BBS4: variants seen among roughly 807,000 people sequenced by gnomAD.
BBS4 encodes the protein BBSome complex member BBS4.
In BBS4, 58 loss-of-function variants were observed where a neutral mutation model predicts 71.4. That is an observed-to-expected ratio of 0.81 (90% CI 0.66 to 1.01). BBS4 has a LOEUF of 1.01. Among genes scored for constraint, BBS4 ranks in the 50% least tolerant of loss-of-function variants. BBS4 has a pLI of 0.00. For synonymous variants in BBS4, 228 were observed against 216.8 expected (o/e 1.05, Z -0.46); for missense variants, 660 against 607.9 (o/e 1.09, Z -0.90).
chr15:72,710,773 A>G (rs1268949394), intron 3 of BBS4, among the ~76,000 whole-genome samples: 1 of 151,834 alleles, frequency 6.6e-6, no homozygotes, highest in Non-Finnish European at 1.5e-5. Context: ...TACTGGTATG[A>G]CAAAGATTCA....
chr15:72,688,411 C>CTTTTTTTTTT lies in BBS4; in HGVS notation c.24+2171_24+2180dup, dbSNP rs58644289. Among the ~76,000 whole-genome samples, 277 of 83,024 alleles carry CTTTTTTTTTT rather than the reference C, an allele frequency of 3.3e-3. 27 individuals are homozygous for CTTTTTTTTTT. The highest frequency in any genetic ancestry group is 0.025 in the Middle Eastern group (2 of 80). 54.5% of individuals were successfully genotyped at this position (83,024 alleles called of 152,430 possible). On this transcript the variant is annotated intron_variant, in intron 1 of 15. Transcript: ENST00000268057. ...GTCCTTTTAGGAAGTGGTATTTTAT[C>CTTTTTTTTTT]TTTTTTTTTTTTTTTTTTTTGAGAC...
In BBS4 at chr15:72,735,944, G is replaced by T; in HGVS notation, c.1226G>T (p.Ser409Ile). 1 of 1,614,028 alleles carries T rather than the reference G, an allele frequency of 6.2e-7. No homozygotes were observed. ...EKKVSLLKDN[S>I]SLEFDSEMVE... Reference sequence around the variant, plus strand: ...AAAGTCAGCCTACTCAAGGACAATAGCTCTCTGGAATTTGACTCTGAGGTA... The same window carrying T: ...AAAGTCAGCCTACTCAAGGACAATATCTCTCTGGAATTTGACTCTGAGGTA... The change falls in exon 14 of 16, where the codon AGC becomes ATC. Residue 409 changes from serine (S) to isoleucine (I), a missense_variant. Ser to Ile is a moderately radical substitution (Grantham distance 142, BLOSUM62 -2). Transcript: ENST00000268057.
intron 1 of BBS4, among the ~76,000 whole-genome samples, chr15:72,688,809 G>C (rs1490092667): frequency 6.6e-6 from 1 of 152,170 alleles, no homozygotes; most frequent in Non-Finnish European, 1.5e-5. Flanking sequence ...ATTCGTTGTA[G>C]TACTATCCGT....
intron 2 of BBS4, among the ~76,000 whole-genome samples, chr15:72,699,443 A>G (rs1291889530): frequency 6.6e-6 from 1 of 152,164 alleles, no homozygotes; most frequent in Non-Finnish European, 1.5e-5. Context: ...AAGGTAGTAT[A>G]TATCTAATTT....
Position 72,731,708 on chromosome 15 carries a change from C to T in BBS4, c.1018C>T (p.Leu340Phe), listed in dbSNP as rs2065828633. Residue 340 changes from leucine to phenylalanine, a missense_variant, in exon 12 of 16, where the codon CTC (leucine) becomes TTC (phenylalanine). Physicochemically the swap from Leu to Phe is conservative, Grantham distance 22. Coordinates refer to ENST00000268057, the MANE Select transcript of BBS4 (RefSeq NM_033028.5). ...CAACTTCCAGCCAAAGATGGGGGAG[C>T]TCTACATGCTCTTGGCAGGTAAGAA... ...AINFQPKMGELYMLLAVALTN... is the reference protein window; with the variant it reads ...AINFQPKMGEFYMLLAVALTN... The T allele has an allele frequency of 6.2e-7, 1 of 1,614,188 alleles. No homozygotes were observed.
chr15:72,736,794 T>C lies in BBS4; in HGVS notation c.1281T>C (p.Ala427=). 1.2e-6 allele frequency: 2 copies of C among 1,614,192 alleles called. No homozygotes were observed. Among genetic ancestry groups the C allele is most frequent in the Non-Finnish European group, 1.7e-6 (2 of 1,180,030 alleles). ...MVEMAQKLGA[A]LQVGEALVWT... ...AGATGGCTCAGAAGTTGGGAGCTGCTCTCCAGGTTGGGGAGGCACTGGTCT... is the reference window on the plus strand; with the variant it reads ...AGATGGCTCAGAAGTTGGGAGCTGCCCTCCAGGTTGGGGAGGCACTGGTCT... The change falls in exon 15 of 16, where the codon GCT becomes GCC. Residue 427 remains alanine (A), a synonymous_variant. Transcript: ENST00000268057.
chr15:72,725,660 T>TC (rs1198096708), intron 8 of BBS4, among the ~76,000 whole-genome samples: 1 of 150,724 alleles, frequency 6.6e-6, no homozygotes, highest in Non-Finnish European at 1.5e-5. Flanking sequence ...GTATCTTTTT[T>TC]CCCCCTTCCC....
intron 2 of BBS4, among the ~76,000 whole-genome samples, chr15:72,702,551 A>C (rs979752190): frequency 1.2e-4 from 18 of 147,786 alleles, no homozygotes; most frequent in Admixed American, 5.7e-4. Context: ...CTTTTATATG[A>C]CTTTTTTCTT....
intron 14 of BBS4, among the ~76,000 whole-genome samples, chr15:72,736,238 CTTT>C (rs35502034): frequency 6.1e-4 from 69 of 113,454 alleles, no homozygotes; most frequent in African/African-American, 8.8e-4. Flanking sequence ...TTCTATTTCA[CTTT>C]TTTTTTTTTT....
intron 12 of BBS4, among the ~76,000 whole-genome samples, chr15:72,734,731 G>C (rs1052824309): frequency 6.6e-6 from 1 of 152,144 alleles, no homozygotes; most frequent in Non-Finnish European, 1.5e-5. Context: ...CATGGTTATA[G>C]ATGTGGGGGG....
chr15:72,686,793 C>CT (rs752612638), intron 1 of BBS4: 4 of 353,634 alleles, frequency 1.1e-5, no homozygotes, highest in Non-Finnish European at 2.2e-5. Flanking sequence ...TCAGGATGAC[C>CT]TAGTCGCTAT....
chr15:72,692,010 G>A (rs940918316), intron 1 of BBS4, among the ~76,000 whole-genome samples: 4 of 150,894 alleles, frequency 2.7e-5, no homozygotes, highest in Non-Finnish European at 5.9e-5. Context: ...CTAAGGAAAG[G>A]TAAGTGAGGT....
In BBS4 at chr15:72,737,100, AAC is replaced by A. The variant is rs925746752; in HGVS notation, c.1450+141_1450+142del. On this transcript the variant is annotated intron_variant, in intron 15 of 15. Coordinates refer to ENST00000268057, the MANE Select transcript of BBS4 (RefSeq NM_033028.5). ...GTATTGGCCACAAGGGGAGAAAAAAAACACAGGGTGGCTAAATTGGCACTTGT... is the reference window on the plus strand; with the variant it reads ...GTATTGGCCACAAGGGGAGAAAAAAAACAGGGTGGCTAAATTGGCACTTGT... 21 of 1,110,048 alleles carry A rather than the reference AAC, an allele frequency of 1.9e-5. No individual in the cohort carries two copies. The African/African-American group carries it at 2.6e-4, about 14-fold the overall frequency. 68.8% of individuals were successfully genotyped at this position (1,110,048 alleles called of 1,614,324 possible). A position where few individuals can be genotyped will look rare whatever the true frequency, so the allele number is the denominator to read the frequency against.
chr15:72,706,163 G>A (rs1418670349), intron 2 of BBS4, among the ~76,000 whole-genome samples: 1 of 152,008 alleles, frequency 6.6e-6, no homozygotes, highest in South Asian at 2.1e-4. Context: ...TTGAGATGGA[G>A]TCTCGCTCTG....
intron 2 of BBS4, among the ~76,000 whole-genome samples, chr15:72,701,647 T>C (rs543772854): frequency 3.2e-4 from 49 of 152,334 alleles, no homozygotes; most frequent in African/African-American, 1.1e-3. Context: ...CAAGAAATGC[T>C]TCACCTCTGG....
intron 12 of BBS4, 111 bp downstream of exon 12, chr15:72,731,837 C>T: frequency 1.5e-6 from 2 of 1,334,566 alleles, no homozygotes; most frequent in Non-Finnish European, 2.1e-6. Context: ...CCTTAGAGAT[C>T]CTGTAGGAAT....
intron 4 of BBS4, among the ~76,000 whole-genome samples, chr15:72,714,904 T>A (rs1302590696): frequency 6.6e-6 from 1 of 152,202 alleles, no homozygotes; most frequent in Non-Finnish European, 1.5e-5. Flanking sequence ...ATTTGCCCCA[T>A]TTGGGGGTTC....
intron 13 of BBS4, 134 bp from the exon 14 acceptor site, chr15:72,735,691 A>G: frequency 1.8e-6 from 2 of 1,126,990 alleles, no homozygotes; most frequent in East Asian, 2.3e-5. Flanking sequence ...CTTAGCACGT[A>G]TGTACCTACC....
chr15:72,703,359 T>G (rs1357798379), intron 2 of BBS4, among the ~76,000 whole-genome samples: 7 of 152,210 alleles, frequency 4.6e-5, no homozygotes, highest in Non-Finnish European at 8.8e-5. Flanking sequence ...ATTAAAGTCC[T>G]TGTGTTTCAA....
Sources: gnomAD v4.1 joint callset for allele counts (sites outside exome capture counted in the v4.1 genomes callset) on GRCh38, gnomAD v4.1.1 for gene constraint, MANE v1.5 for transcripts, NCBI Gene and HGNC (gene_info 2026-07-23, HGNC 2026-07-21) for gene names.